Variants in ERBB4 observed in about 807,000 individuals in gnomAD.
ERBB4 encodes erb-b2 receptor tyrosine kinase 4.
In ERBB4, 42 loss-of-function variants were observed where a neutral mutation model predicts 158.0. The ratio of observed to expected loss-of-function variants is 0.27; its 90% CI spans 0.21 to 0.34. The LOEUF (loss-of-function observed/expected upper bound fraction) is 0.34. ERBB4 is among the 10% of genes least tolerant of loss of function. The pLI is 1.00. For missense variants in ERBB4, 1,333 were observed against 1,624.1 expected (o/e 0.82, Z 3.08); for synonymous variants, 583 against 558.7 (o/e 1.04, Z -0.61).
chr2:212,074,059 T>C (rs1191957292), intron 2 of ERBB4, among the ~76,000 whole-genome samples: 1 of 152,028 alleles, frequency 6.6e-6, no homozygotes, highest in African/African-American at 2.4e-5. Flanking sequence ...GACTTGTCCA[T>C]TGGCCTATGT....
chr2:211,455,497 TAGAACAAGG>T (rs1053831848), intron 20 of ERBB4, among the ~76,000 whole-genome samples: 2 of 152,100 alleles, frequency 1.3e-5, no homozygotes, highest in Non-Finnish European at 2.9e-5. Context: ...CCTTCACCAT[TAGAACAAGG>T]GGAAAAAAGG....
At chr2:211,384,589 GAT>G (rs2062645455) in intron 27 of ERBB4, among the ~76,000 whole-genome samples, 1 of 152,010 alleles carries the variant, frequency 6.6e-6, no homozygotes, top group Admixed American at 6.6e-5. Context: ...TTTAATTGGA[GAT>G]GCTTCTGAAA....
intron 2 of ERBB4, among the ~76,000 whole-genome samples, chr2:212,105,466 GAATTCCT>G (rs1559506547): frequency 6.6e-6 from 1 of 152,038 alleles, no homozygotes; most frequent in East Asian, 1.9e-4. Context: ...GAGAAACAAA[GAATTCCT>G]AAGGCTCTGA....
At chr2:211,688,965 T>A (rs1442851111) in intron 12 of ERBB4, among the ~76,000 whole-genome samples, 1 of 151,900 alleles carries the variant, frequency 6.6e-6, no homozygotes, top group African/African-American at 2.4e-5. Context: ...ATGTCTTAAA[T>A]ATTTATTAAA....
At chr2:212,021,129 T>C (rs373570176) in intron 2 of ERBB4, among the ~76,000 whole-genome samples, 6 of 152,274 alleles carry the variant, frequency 3.9e-5, no homozygotes, top group African/African-American at 1.2e-4. Flanking sequence ...CTGATAGATG[T>C]TTACTTTTCT....
chr2:211,924,862 AC>A (rs757223295), intron 3 of ERBB4, among the ~76,000 whole-genome samples: 1 of 152,254 alleles, frequency 6.6e-6, no homozygotes, highest in Non-Finnish European at 1.5e-5. Flanking sequence ...TTAAAGACGT[AC>A]GTTTATCCGC....
At chr2:211,940,001 A>C (rs1378443963) in intron 3 of ERBB4, among the ~76,000 whole-genome samples, 2 of 151,810 alleles carry the variant, frequency 1.3e-5, no homozygotes, top group Non-Finnish European at 2.9e-5. Context: ...AGATAGATAG[A>C]TAGATAGAGA....
intron 3 of ERBB4, among the ~76,000 whole-genome samples, chr2:211,874,222 A>G (rs2078434573): frequency 6.6e-6 from 1 of 152,142 alleles, no homozygotes; most frequent in African/African-American, 2.4e-5. Flanking sequence ...ATCTATTTAC[A>G]CTGAAGAATA....
chr2:212,144,740 C>T (rs1379692599), intron 1 of ERBB4, among the ~76,000 whole-genome samples: 1 of 152,090 alleles, frequency 6.6e-6, no homozygotes, highest in African/African-American at 2.4e-5. Context: ...TTTATCATTT[C>T]TGGCTGGGCA....
chr2:211,750,380 A>G (rs773177611), intron 5 of ERBB4, among the ~76,000 whole-genome samples: 6 of 152,246 alleles, frequency 3.9e-5, no homozygotes, highest in Non-Finnish European at 8.8e-5. Flanking sequence ...TAAAAACTCT[A>G]AAGTTATAGC....
At chr2:211,841,347 C>T (rs2106001472) in intron 3 of ERBB4, among the ~76,000 whole-genome samples, 1 of 152,108 alleles carries the variant, frequency 6.6e-6, no homozygotes, top group Admixed American at 6.6e-5. Context: ...ACAACTGTAA[C>T]AATGTCAACC....
chr2:212,529,258 A>C (rs2106337135), intron 1 of ERBB4, among the ~76,000 whole-genome samples: 1 of 152,314 alleles, frequency 6.6e-6, no homozygotes, highest in Middle Eastern at 3.4e-3. Flanking sequence ...AGAAATAGCA[A>C]AATAATAGCC....
At chr2:211,888,733 C>T (rs540063329) in intron 3 of ERBB4, among the ~76,000 whole-genome samples, 20,058 of 150,388 alleles carry the variant, frequency 0.13, 1,297 homozygotes, top group African/African-American at 0.22. Flanking sequence ...ATTGCCTCAC[C>T]TGGGAAGCGC....
intron 3 of ERBB4, among the ~76,000 whole-genome samples, chr2:211,837,441 A>G (rs747421368): frequency 4.6e-5 from 7 of 152,136 alleles, no homozygotes; most frequent in Non-Finnish European, 1.0e-4. Flanking sequence ...TCTAAAGCAT[A>G]GAGGATTAAG....
chr2:211,631,510 T>G (rs914318956), intron 16 of ERBB4, among the ~76,000 whole-genome samples: 1 of 152,184 alleles, frequency 6.6e-6, no homozygotes, highest in African/African-American at 2.4e-5. Context: ...CAAAAAGGGA[T>G]TAAGAAGAGA....
At chr2:211,779,078 A>G (rs1333003075) in intron 4 of ERBB4, 3 of 152,214 alleles carry the variant, frequency 2.0e-5, no homozygotes, top group Non-Finnish European at 4.4e-5. Flanking sequence ...TTGACTTCTT[A>G]GGATTTATCA....
rs982664409 is a variant in ERBB4 at position 211,929,459 on chromosome 2, C to T, written c.421+17971G>A. Among the ~76,000 whole-genome samples, 4 of 151,972 alleles carry T rather than the reference C, an allele frequency of 2.6e-5. No individual in the cohort carries two copies. The South Asian group carries it at 6.2e-4, about 24-fold the overall frequency. On this transcript the variant is annotated intron_variant, in intron 3 of 27. Transcript: ENST00000342788. ...GACAGACCCTAGAGCAATTTGAAAA[C>T]ATCAAATAAAACCCCTCCAGCATGT...
At chr2:212,330,385 G>A (rs918672319) in intron 1 of ERBB4, among the ~76,000 whole-genome samples, 2 of 152,020 alleles carry the variant, frequency 1.3e-5, no homozygotes, top group Non-Finnish European at 2.9e-5. Context: ...TTAGAAGCCC[G>A]AGGCTTGCCA....
chr2:211,435,410 C>T (rs1023739548), intron 20 of ERBB4, among the ~76,000 whole-genome samples: 11 of 152,152 alleles, frequency 7.2e-5, no homozygotes, highest in South Asian at 4.1e-4. Flanking sequence ...ACACTGTTGA[C>T]GTATTTTAAA....
Sources: gnomAD v4.1 joint callset for allele counts (sites outside exome capture counted in the v4.1 genomes callset) on GRCh38, gnomAD v4.1.1 for gene constraint, MANE v1.5 for transcripts, NCBI Gene and HGNC (gene_info 2026-07-23, HGNC 2026-07-21) for gene names.